KPNA6: variants seen among roughly 807,000 people sequenced by gnomAD.
KPNA6 encodes karyopherin subunit alpha 6.
KPNA6 carries 9 observed loss-of-function variants against 72.0 expected under a neutral mutation model. The observed-to-expected ratio is 0.13, with a 90% CI of 0.08 to 0.22. KPNA6 has a LOEUF of 0.22. Among genes scored for constraint, KPNA6 ranks in the 10% least tolerant of loss-of-function variants. KPNA6 has a pLI of 1.00. For missense variants in KPNA6, 374 were observed against 655.7 expected, an observed-to-expected ratio of 0.57 and a Z score of 4.69; for synonymous variants, 219 against 242.1, an observed-to-expected ratio of 0.90 and a Z score of 0.89.
intron 10 of KPNA6, among the ~76,000 whole-genome samples, chr1:32,163,781 T>A (rs903570695): frequency 1.3e-5 from 2 of 152,274 alleles, no homozygotes; most frequent in Non-Finnish European, 2.9e-5. Flanking sequence ...GAGATTTGGG[T>A]ATTCTTTGGG....
intron 1 of KPNA6, among the ~76,000 whole-genome samples, chr1:32,112,230 A>G (rs1339866915): frequency 6.6e-6 from 1 of 152,204 alleles, no homozygotes; most frequent in Non-Finnish European, 1.5e-5. Flanking sequence ...TGAACCACAA[A>G]CAAAGACAGA....
intron 1 of KPNA6, among the ~76,000 whole-genome samples, chr1:32,128,575 T>C (rs1431246711): frequency 6.6e-6 from 1 of 151,228 alleles, no homozygotes; most frequent in Non-Finnish European, 1.5e-5. Flanking sequence ...TTTCCTAGAG[T>C]GATTACTGTT....
chr1:32,121,201 A>C (rs1334932973), intron 1 of KPNA6, among the ~76,000 whole-genome samples: 3 of 152,144 alleles, frequency 2.0e-5, no homozygotes, highest in Non-Finnish European at 2.9e-5. Context: ...GTAATGTGGT[A>C]GTCCTGGCAG....
chr1:32,108,119 A>G lies in KPNA6; in HGVS notation c.-12A>G, dbSNP rs1236269290. Reference sequence around the variant, plus strand: ...TTGCCTCCGCCGCCAAGAGTGAGCGAGCGGACCCGCGATGGGTGAGTGAGG... The same window carrying G: ...TTGCCTCCGCCGCCAAGAGTGAGCGGGCGGACCCGCGATGGGTGAGTGAGG... On this transcript the variant is annotated 5_prime_UTR_variant, in exon 1 of 14. Transcript: ENST00000373625. The G allele has an allele frequency of 6.2e-7, 1 of 1,613,880 alleles. No homozygotes were observed. Among genetic ancestry groups the G allele is most frequent in the Non-Finnish European group, 8.5e-7 (1 of 1,179,948 alleles).
chr1:32,157,473 G>A (rs1642164441), intron 4 of KPNA6, 28 bp downstream of exon 4: 1 of 1,519,510 alleles, frequency 6.6e-7, no homozygotes, highest in East Asian at 2.3e-5. Flanking sequence ...TGTCAGAGAG[G>A]CCTTATATGA....
In KPNA6 at chr1:32,162,450, G is replaced by C; in HGVS notation, c.837G>C (p.Leu279=). 1.2e-6 allele frequency: 2 copies of C among 1,614,092 alleles called. No individual in the cohort carries two copies. Among genetic ancestry groups the C allele is most frequent in the Non-Finnish European group, 1.7e-6 (2 of 1,180,026 alleles). Residue 279 remains leucine, a synonymous_variant, in exon 9 of 14, where the codon CTG becomes CTC. Coordinates refer to ENST00000373625, the MANE Select transcript of KPNA6 (RefSeq NM_012316.5). ...LADACWALSY[L]SDGPNEKIQA... ...ATGCTTGCTGGGCCCTTTCTTATCT[G>C]TCTGATGGCCCCAATGAGAAGATCC...
chr1:32,143,618 A>G (rs1641880093), intron 1 of KPNA6, among the ~76,000 whole-genome samples: 1 of 151,928 alleles, frequency 6.6e-6, no homozygotes, highest in Admixed American at 6.6e-5. Flanking sequence ...GTGATAAAAT[A>G]TATGTAACAA....
intron 1 of KPNA6, among the ~76,000 whole-genome samples, chr1:32,119,032 A>ATATATATATTTTTT (rs1167325052): frequency 7.4e-5 from 3 of 40,274 alleles, no homozygotes; most frequent in Non-Finnish European, 8.2e-5. Context: ...ATATATATAT[A>ATATATATATTTTTT]TTTTTTTTTT....
intron 1 of KPNA6, among the ~76,000 whole-genome samples, chr1:32,132,157 G>A (rs1290581739): frequency 6.6e-6 from 1 of 151,960 alleles, no homozygotes; most frequent in Non-Finnish European, 1.5e-5. Flanking sequence ...TTTTAGTAGA[G>A]ACAGAGTTTC....
chr1:32,110,340 C>T (rs898671005), intron 1 of KPNA6, among the ~76,000 whole-genome samples: 1 of 152,040 alleles, frequency 6.6e-6, no homozygotes, highest in Non-Finnish European at 1.5e-5. Flanking sequence ...GCTGGGATTA[C>T]AGGCATGAGC....
intron 1 of KPNA6, among the ~76,000 whole-genome samples, chr1:32,147,550 G>A (rs554033268): frequency 6.6e-6 from 1 of 151,192 alleles, no homozygotes; most frequent in African/African-American, 2.4e-5. Flanking sequence ...GTCTGGCCTT[G>A]TCCTCCCAAA....
At chr1:32,142,143 C>A (rs1174775040) in intron 1 of KPNA6, among the ~76,000 whole-genome samples, 1 of 151,200 alleles carries the variant, frequency 6.6e-6, no homozygotes, top group Non-Finnish European at 1.5e-5. Context: ...GTAATCCCAG[C>A]TACTCAGGAG....
At chr1:32,117,358 G>C (rs1480433536) in intron 1 of KPNA6, among the ~76,000 whole-genome samples, 1 of 152,024 alleles carries the variant, frequency 6.6e-6, no homozygotes. Flanking sequence ...ATTTTTAGTA[G>C]AGATGGGGTT....
intron 2 of KPNA6, among the ~76,000 whole-genome samples, chr1:32,156,527 G>A (rs1642146217): frequency 6.6e-6 from 1 of 152,180 alleles, no homozygotes; most frequent in African/African-American, 2.4e-5. Context: ...TGGAATGGAT[G>A]CACTGGACAA....
chr1:32,156,883 A>C lies in KPNA6; in HGVS notation c.169A>C (p.Asn57His), dbSNP rs1473114380. 6.2e-7 allele frequency: 1 copy of C among 1,614,106 alleles called. No homozygotes were observed. The highest frequency in any genetic ancestry group is 1.6e-4 in the Middle Eastern group (1 of 6,062). ...TAAACGGAGAAATGTGGAGCTGATTAATGAAGAAGCTGCCATGTTCGATAG... is the reference window on the plus strand; with the variant it reads ...TAAACGGAGAAATGTGGAGCTGATTCATGAAGAAGCTGCCATGTTCGATAG... ...LFKRRNVELI[N>H]EEAAMFDSLL... Residue 57 changes from asparagine to histidine, a missense_variant, in exon 3 of 14, where the codon AAT becomes CAT. Transcript: ENST00000373625.
chr1:32,139,393 G>A (rs1641799447), intron 1 of KPNA6, among the ~76,000 whole-genome samples: 1 of 152,202 alleles, frequency 6.6e-6, no homozygotes, highest in East Asian at 1.9e-4. Flanking sequence ...AGGCTATGTA[G>A]TAGGAAACAG....
chr1:32,160,299 CAAA>C (rs535456428), intron 6 of KPNA6, among the ~76,000 whole-genome samples: 12 of 77,354 alleles, frequency 1.6e-4, no homozygotes, highest in African/African-American at 4.4e-4. Context: ...GACTCCGTCT[CAAA>C]AAAAAAAAAA....
chr1:32,120,871 C>CT (rs767698422), intron 1 of KPNA6, among the ~76,000 whole-genome samples: 4,229 of 120,598 alleles, frequency 0.035, 220 homozygotes, highest in African/African-American at 0.11. Context: ...GGAGTTCCTT[C>CT]TTTTTTTTTT....
At chr1:32,114,451 A>AAATATATATAT (rs982175711) in intron 1 of KPNA6, among the ~76,000 whole-genome samples, 7 of 145,524 alleles carry the variant, frequency 4.8e-5, no homozygotes, top group African/African-American at 1.5e-4. Context: ...CAAAAAAAAA[A>AAATATATATAT]ATATATATAT....
Sources: gnomAD v4.1 joint callset for allele counts (sites outside exome capture counted in the v4.1 genomes callset) on GRCh38, gnomAD v4.1.1 for gene constraint, MANE v1.5 for transcripts, NCBI Gene and HGNC (gene_info 2026-07-23, HGNC 2026-07-21) for gene names.